The following PCCA variants were observed in gnomAD, a reference collection of about 807,000 sequenced individuals.
PCCA encodes propionyl-CoA carboxylase subunit alpha.
PCCA carries 74 observed loss-of-function variants against 101.3 expected under a neutral mutation model. The ratio of observed to expected loss-of-function variants is 0.73; its 90% confidence interval spans 0.61 to 0.89. PCCA has a LOEUF of 0.89. PCCA is among the 40% of genes least tolerant of loss of function. The probability of loss-of-function intolerance (pLI) is 0.00; values close to 1 mark genes in which losing one functional copy is unlikely to be tolerated. For missense variants in PCCA, 891 were observed against 907.0 expected (o/e 0.98, Z 0.23); for synonymous variants, 294 against 313.6 (o/e 0.94, Z 0.66).
At chr13:100,411,539 A>G (rs1567089142) in intron 19 of PCCA, among the ~76,000 whole-genome samples, 2 of 152,218 alleles carry the variant, frequency 1.3e-5, no homozygotes, top group South Asian at 2.1e-4. Context: ...TAACTGGTCT[A>G]TGCCCTGCAA....
At chr13:100,404,067 T>G (rs959814003) in intron 19 of PCCA, among the ~76,000 whole-genome samples, 3 of 152,206 alleles carry the variant, frequency 2.0e-5, no homozygotes, top group African/African-American at 7.2e-5. Flanking sequence ...AAGGCCTATC[T>G]AAGCGTTCCC....
chr13:100,369,145 CTG>C (rs1227247036), intron 19 of PCCA, among the ~76,000 whole-genome samples: 2 of 152,172 alleles, frequency 1.3e-5, no homozygotes, highest in African/African-American at 4.8e-5. Context: ...ATGTTTAAAA[CTG>C]TGATCCGAGT....
intron 21 of PCCA, among the ~76,000 whole-genome samples, chr13:100,483,920 G>A (rs1181070234): frequency 1.3e-5 from 2 of 152,176 alleles, no homozygotes; most frequent in Non-Finnish European, 2.9e-5. Flanking sequence ...TTACCAGAAG[G>A]AGTGCTTTGT....
chr13:100,301,715 G>T, intron 13 of PCCA, 112 bp downstream of exon 13: 1 of 1,200,548 alleles, frequency 8.3e-7, no homozygotes, highest in South Asian at 1.2e-5. Flanking sequence ...CCAACTATTG[G>T]ATTACGTAAT....
chr13:100,236,004 T>C, intron 8 of PCCA, 126 bp downstream of exon 8: 1 of 696,124 alleles, frequency 1.4e-6, no homozygotes, highest in South Asian at 1.6e-5. Flanking sequence ...TGATTACTTG[T>C]TGCTCTGGAA....
intron 18 of PCCA, among the ~76,000 whole-genome samples, chr13:100,354,296 A>G (rs2073694091): frequency 7.5e-6 from 1 of 133,412 alleles, no homozygotes; most frequent in African/African-American, 2.7e-5. Flanking sequence ...AAGGAGAGAG[A>G]GAGAGAGAGA....
rs1468139454 is a variant in PCCA, at chr13:100,525,014, T to C, written c.2041-2661T>C. ...ATAGATAGATAGATAGATAGATAGA[T>C]AGATAGATAGATAGACAGACAGACA... On this transcript the variant is annotated intron_variant, in intron 22 of 23. Coordinates refer to ENST00000376285, the MANE Select transcript of PCCA (RefSeq NM_000282.4). Among the ~76,000 whole-genome samples, 7 of 148,758 alleles carry C rather than the reference T, an allele frequency of 4.7e-5. No individual in the cohort carries two copies. In the East Asian group the frequency reaches 1.2e-3, roughly 25 times the overall value.
At chr13:100,323,761 A>C (rs1450901761) in intron 16 of PCCA, among the ~76,000 whole-genome samples, 1 of 152,170 alleles carries the variant, frequency 6.6e-6, no homozygotes, top group Non-Finnish European at 1.5e-5. Flanking sequence ...CAGGATAGTA[A>C]TGTTCTTTTT....
intron 8 of PCCA, among the ~76,000 whole-genome samples, chr13:100,246,409 A>C (rs999455336): frequency 1.1e-4 from 16 of 152,266 alleles, no homozygotes; most frequent in Non-Finnish European, 1.8e-4. Context: ...TCCTAGGCTC[A>C]AGCGATCCTC....
At chr13:100,156,612 G>T (rs1019446178) in intron 5 of PCCA, among the ~76,000 whole-genome samples, 1 of 152,178 alleles carries the variant, frequency 6.6e-6, no homozygotes, top group Non-Finnish European at 1.5e-5. Flanking sequence ...AGTAGTTGTG[G>T]ATGGCAAAGT....
At chr13:100,397,377 T>G (rs1028769586) in intron 19 of PCCA, among the ~76,000 whole-genome samples, 3 of 152,174 alleles carry the variant, frequency 2.0e-5, no homozygotes, top group Admixed American at 6.5e-5. Flanking sequence ...TTCCTAGGAT[T>G]CTGTGAGTGT....
chr13:100,469,550 G>A (rs1301205463), intron 21 of PCCA, among the ~76,000 whole-genome samples: 16 of 151,904 alleles, frequency 1.1e-4, no homozygotes, highest in Non-Finnish European at 1.6e-4. Flanking sequence ...AGGCCGAGGC[G>A]GGCGGATCAC....
At chr13:100,339,117 C>T (rs1253153764) in intron 17 of PCCA, among the ~76,000 whole-genome samples, 1 of 152,064 alleles carries the variant, frequency 6.6e-6, no homozygotes, top group African/African-American at 2.4e-5. Flanking sequence ...GACATATCCT[C>T]CCTGCACTTT....
intron 1 of PCCA, among the ~76,000 whole-genome samples, chr13:100,089,563 G>A (rs564506706): frequency 8.5e-5 from 13 of 152,228 alleles, no homozygotes; most frequent in Non-Finnish European, 1.8e-4. Flanking sequence ...CATTGGCTTT[G>A]TCTTAAGCTT....
chr13:100,316,465 A>G (rs1251337346), intron 16 of PCCA, among the ~76,000 whole-genome samples: 1 of 152,220 alleles, frequency 6.6e-6, no homozygotes, highest in African/African-American at 2.4e-5. Flanking sequence ...TCTAAAATTA[A>G]CACCTATTTT....
intron 21 of PCCA, chr13:100,491,683 G>C (rs958018359): frequency 7.7e-7 from 1 of 1,304,096 alleles, no homozygotes; most frequent in East Asian, 5.6e-5. Context: ...ACTGTGAGAA[G>C]CTTGGCAGAA....
At chr13:100,295,256 C>T (rs1001712487) in intron 12 of PCCA, among the ~76,000 whole-genome samples, 4 of 152,180 alleles carry the variant, frequency 2.6e-5, no homozygotes, top group African/African-American at 9.6e-5. Context: ...ACCATCCTTT[C>T]AGGCTGGAAT....
chr13:100,115,738 A>G (rs1293956120), intron 4 of PCCA, among the ~76,000 whole-genome samples: 6 of 152,182 alleles, frequency 3.9e-5, no homozygotes, highest in African/African-American at 9.7e-5. Context: ...AATTGTTGTT[A>G]GGTTTTTCTC....
At chr13:100,341,973 A>ATATATATATATATATATATATATG (rs1257478273) in intron 18 of PCCA, among the ~76,000 whole-genome samples, 2,083 of 121,394 alleles carry the variant, frequency 0.017, 60 homozygotes, top group Middle Eastern at 0.031. Flanking sequence ...ATATATATAT[A>ATATATATATATATATATATATATG]TATATATATG....
Sources: allele counts gnomAD v4.1 joint callset (sites outside exome capture counted in the v4.1 genomes callset), GRCh38; gene constraint gnomAD v4.1.1; transcripts MANE v1.5; gene names NCBI Gene and HGNC (gene_info 2026-07-23, HGNC 2026-07-21).